RBFOX1: variants seen among roughly 807,000 people sequenced by gnomAD.
The protein encoded by RBFOX1 is RNA binding protein fox-1 homolog 1.
A neutral mutation model predicts 57.7 loss-of-function variants in RBFOX1; 8 were observed. The observed-to-expected ratio is 0.14, with a 90% CI of 0.08 to 0.25. The LOEUF (loss-of-function observed/expected upper bound fraction) is 0.25. Among genes scored for constraint, RBFOX1 ranks in the 10% least tolerant of loss-of-function variants. The pLI is 1.00. For missense variants in RBFOX1, 611 were observed against 548.5 expected (o/e 1.11, Z -1.14); for synonymous variants, 326 against 222.4 (o/e 1.47, Z -4.15).
In RBFOX1 at chr16:5,282,819, C is replaced by G. The variant is rs541819211; in HGVS notation, c.219+42714C>G. 7.9e-5 allele frequency among the ~76,000 whole-genome samples: 12 copies of G among 152,282 alleles called. No individual in the cohort carries two copies. The East Asian group carries it at 2.1e-3, about 27-fold the overall frequency. On this transcript the variant is annotated intron_variant, in intron 1 of 2. Transcript: ENST00000585867. ...CTGACGATGCAATAGAAAAGAAAATCCCATTTTCTCAAGAAAAATTCGATC... is the reference window on the plus strand; with the variant it reads ...CTGACGATGCAATAGAAAAGAAAATGCCATTTTCTCAAGAAAAATTCGATC...
intron 1 of RBFOX1, among the ~76,000 whole-genome samples, chr16:6,056,501 T>A (rs1351179499): frequency 6.6e-6 from 1 of 152,222 alleles, no homozygotes; most frequent in African/African-American, 2.4e-5. Context: ...CATTCATATA[T>A]CTCAAGCAAG....
chr16:5,796,468 G>C (rs2054882580), intron 3 of RBFOX1, among the ~76,000 whole-genome samples: 1 of 152,162 alleles, frequency 6.6e-6, no homozygotes, highest in African/African-American at 2.4e-5. Context: ...AGAGGAACAG[G>C]AGTGGTGGTG....
chr16:7,320,543 A>G (rs1217745782), intron 4 of RBFOX1, among the ~76,000 whole-genome samples: 1 of 152,196 alleles, frequency 6.6e-6, no homozygotes, highest in Non-Finnish European at 1.5e-5. Context: ...CACTAATCTT[A>G]CAACCACTTT....
chr16:6,858,093 C>G (rs995310587), intron 3 of RBFOX1, among the ~76,000 whole-genome samples: 3 of 152,110 alleles, frequency 2.0e-5, no homozygotes, highest in African/African-American at 7.2e-5. Flanking sequence ...GTTTCTCTAA[C>G]TAGAAATTGG....
chr16:7,302,356 A>G (rs939329592), intron 4 of RBFOX1, among the ~76,000 whole-genome samples: 11 of 152,202 alleles, frequency 7.2e-5, no homozygotes. Context: ...ATTAGCCTGC[A>G]AAGTGAGTTG....
At chr16:6,705,588 G>A (rs1355404057) in intron 3 of RBFOX1, 1 of 152,252 alleles carries the variant, frequency 6.6e-6, no homozygotes, top group South Asian at 2.1e-4. Flanking sequence ...AGAAGCGGCT[G>A]CTTTTAGGAC....
chr16:6,330,040 CT>C (rs1490091153), intron 2 of RBFOX1, among the ~76,000 whole-genome samples: 1 of 152,146 alleles, frequency 6.6e-6, no homozygotes, highest in East Asian at 1.9e-4. Flanking sequence ...TGTAGCTTTC[CT>C]TCATCTTTCC....
chr16:6,496,980 A>G (rs768341789), intron 2 of RBFOX1, among the ~76,000 whole-genome samples: 1 of 152,138 alleles, frequency 6.6e-6, no homozygotes, highest in Non-Finnish European at 1.5e-5. Context: ...AGACAAAAAG[A>G]AAATGCACTA....
At chr16:7,419,004 A>C (rs1474645531) in intron 4 of RBFOX1, among the ~76,000 whole-genome samples, 1 of 152,154 alleles carries the variant, frequency 6.6e-6, no homozygotes, top group Non-Finnish European at 1.5e-5. Flanking sequence ...TCCCGGGCTC[A>C]TGCTTTCCTC....
In RBFOX1 at chr16:5,484,547, G is replaced by C. The variant is rs143702294; in HGVS notation, c.258+17293G>C. Among the ~76,000 whole-genome samples, 762 of 152,330 alleles carry C rather than the reference G, an allele frequency of 5.0e-3. 3 individuals are homozygous for C. The highest frequency in any genetic ancestry group is 0.017 in the African/African-American group (722 of 41,570). ...TAATCCAGCCCTTTGGGAGGCTGAG[G>C]CAGGAAGACTGCTTGAGGCCAGGGC... On this transcript the variant is annotated intron_variant, in intron 2 of 2. Coordinates refer to the RBFOX1 transcript ENST00000585867.
Position 7,054,476 on chromosome 16 carries a change from C to G in RBFOX1, c.27+2378C>G, listed in dbSNP as rs1022456488. Reference sequence around the variant, plus strand: ...CAGGATGGTCTCGATCTCCTGACCTCGTGATCCGCCAGCCTCGGCCCCCCA... The same window carrying G: ...CAGGATGGTCTCGATCTCCTGACCTGGTGATCCGCCAGCCTCGGCCCCCCA... On this transcript the variant is annotated intron_variant, in intron 4 of 15. Coordinates refer to ENST00000550418, the MANE Select transcript of RBFOX1 (RefSeq NM_018723.4). Among the ~76,000 whole-genome samples, 6 of 148,358 alleles carry G rather than the reference C, an allele frequency of 4.0e-5. No homozygotes were observed. The South Asian group carries it at 1.3e-3, about 32-fold the overall frequency.
intron 4 of RBFOX1, among the ~76,000 whole-genome samples, chr16:7,443,805 G>T (rs1462354951): frequency 6.6e-6 from 1 of 152,094 alleles, no homozygotes; most frequent in South Asian, 2.1e-4. Flanking sequence ...TTACAAAACC[G>T]AAGTACAGAC....
chr16:7,001,387 TGTATGTGTATTTGTATA>T lies in RBFOX1; in HGVS notation c.-15-50669_-15-50653del, dbSNP rs1568311563. Among the ~76,000 whole-genome samples, 911 of 133,040 alleles carry T rather than the reference TGTATGTGTATTTGTATA, an allele frequency of 6.8e-3. 9 individuals carry two copies. The highest frequency in any genetic ancestry group is 0.031 in the African/African-American group (849 of 27,542). The allele number at this position is 133,040 out of a possible 152,430, so 87.3% of individuals were successfully genotyped here. Reference sequence around the variant, plus strand: ...GTGTATGTGTATGTGTATGTGTATGTGTATGTGTATTTGTATATGTATATGTATATGTATATGTATAT... The same window carrying T: ...GTGTATGTGTATGTGTATGTGTATGTTGTATATGTATATGTATATGTATAT... On this transcript the variant is annotated intron_variant, in intron 3 of 15. Coordinates refer to ENST00000550418, the MANE Select transcript of RBFOX1 (RefSeq NM_018723.4).
chr16:6,677,015 A>G (rs190332117), intron 3 of RBFOX1, among the ~76,000 whole-genome samples: 1 of 152,282 alleles, frequency 6.6e-6, no homozygotes, highest in East Asian at 1.9e-4. Context: ...AAAGACCAAA[A>G]GACTTGAAAA....
intron 4 of RBFOX1, among the ~76,000 whole-genome samples, chr16:5,869,682 C>G (rs903233894): frequency 6.6e-6 from 1 of 152,212 alleles, no homozygotes; most frequent in African/African-American, 2.4e-5. Context: ...GGATTACAGG[C>G]ATGAGCCACC....
intron 4 of RBFOX1, among the ~76,000 whole-genome samples, chr16:7,148,299 T>A (rs1002967308): frequency 1.3e-5 from 2 of 152,242 alleles, no homozygotes; most frequent in Admixed American, 1.3e-4. Context: ...AAAGGAGTTT[T>A]CCTTTCAATG....
At chr16:5,856,282 TATACACACACAC>T (rs2057052855) in intron 3 of RBFOX1, among the ~76,000 whole-genome samples, 1 of 29,982 alleles carries the variant, frequency 3.3e-5, no homozygotes, top group Non-Finnish European at 7.3e-5. Flanking sequence ...TACACATATA[TATACACACACAC>T]ACACACACAC....
chr16:7,547,061 C>G (rs1486238456), intron 5 of RBFOX1, among the ~76,000 whole-genome samples: 2 of 151,686 alleles, frequency 1.3e-5, no homozygotes, highest in Non-Finnish European at 2.9e-5. Flanking sequence ...TGCACTCACA[C>G]CAGTATCAAG....
intron 3 of RBFOX1, among the ~76,000 whole-genome samples, chr16:6,785,253 A>T (rs1423406148): frequency 1.3e-5 from 2 of 152,196 alleles, no homozygotes; most frequent in African/African-American, 4.8e-5. Flanking sequence ...CTAACATAAG[A>T]GTTTATGCAA....
Sources: gnomAD v4.1 joint callset for allele counts (sites outside exome capture counted in the v4.1 genomes callset) on GRCh38, gnomAD v4.1.1 for gene constraint, MANE v1.5 for transcripts, NCBI Gene and HGNC (gene_info 2026-07-23, HGNC 2026-07-21) for gene names.